The following SLC36A1 variants were observed in gnomAD, a reference collection of about 807,000 sequenced individuals.
SLC36A1 encodes proton-coupled amino acid transporter 1.
SLC36A1 carries 30 observed loss-of-function variants against 47.5 expected under a neutral mutation model. The observed-to-expected ratio is 0.63, with a 90% CI of 0.47 to 0.86. The LOEUF is 0.86. Among genes scored for constraint, SLC36A1 ranks in the 40% least tolerant of loss-of-function variants. SLC36A1 has a pLI of 0.00. For missense variants in SLC36A1, 517 were observed against 606.0 expected (o/e 0.85, Z 1.54); for synonymous variants, 255 against 249.7 (o/e 1.02, Z -0.20).
At chr5:151,522,430 C>G in the SLC36A1 span, among the ~76,000 whole-genome samples, 19 of 152,184 alleles carry the variant, frequency 1.2e-4, no homozygotes, top group African/African-American at 4.3e-4. Context: ...CATTCTGTCC[C>G]TGTCCTCAAG....
the SLC36A1 span, among the ~76,000 whole-genome samples, chr5:151,352,021 A>G: frequency 6.6e-6 from 1 of 152,210 alleles, no homozygotes; most frequent in Admixed American, 6.5e-5. Flanking sequence ...TGCTCCAGTC[A>G]CATGGACCTT....
At chr5:151,407,026 GC>G in the SLC36A1 span, among the ~76,000 whole-genome samples, 1 of 152,104 alleles carries the variant, frequency 6.6e-6, no homozygotes, top group Non-Finnish European at 1.5e-5. Context: ...CTTAAAGGTG[GC>G]GCGTCCAGAG....
the SLC36A1 span, chr5:151,512,434 G>A: frequency 6.2e-7 from 1 of 1,614,248 alleles, no homozygotes; most frequent in Admixed American, 1.7e-5. The surrounding 1 kb of genome is among the most constrained non-coding windows in gnomAD (Gnocchi z 4.1). Context: ...GCAGTTCTCT[G>A]GGACCACAAG....
the SLC36A1 span, among the ~76,000 whole-genome samples, chr5:151,369,331 A>G: frequency 1.2e-4 from 19 of 152,258 alleles, no homozygotes; most frequent in Admixed American, 8.5e-4. Context: ...AATCAACTCA[A>G]TTGGGCTACT....
chr5:151,408,161 A>T, the SLC36A1 span, among the ~76,000 whole-genome samples: 1 of 152,106 alleles, frequency 6.6e-6, no homozygotes, highest in East Asian at 1.9e-4. Flanking sequence ...TTTTCTCATC[A>T]AGTCAGTGTT....
intron 1 of SLC36A1, among the ~76,000 whole-genome samples, chr5:151,456,694 T>C (rs941391646): frequency 6.6e-6 from 1 of 152,232 alleles, no homozygotes; most frequent in Non-Finnish European, 1.5e-5. Flanking sequence ...CAGGATCGTC[T>C]CTGGGATTTC....
the SLC36A1 span, among the ~76,000 whole-genome samples, chr5:151,526,323 A>C: frequency 6.6e-6 from 1 of 152,236 alleles, no homozygotes; most frequent in Non-Finnish European, 1.5e-5. Flanking sequence ...GGATTACATA[A>C]GGGAATGTTG....
At position 151,449,689 on chromosome 5, in the gene SLC36A1, G is replaced by T. The variant is rs77003901; in HGVS notation, c.-6+1876G>T. Among the ~76,000 whole-genome samples, 1,646 of 152,326 alleles carry T rather than the reference G, an allele frequency of 0.011. 66 individuals carry two copies. In the East Asian group the frequency reaches 0.14, roughly 13 times the overall value. On this transcript the variant is annotated intron_variant, in intron 1 of 10. Coordinates refer to ENST00000243389, the MANE Select transcript of SLC36A1 (RefSeq NM_078483.4). ...AAAGTGCCATAAGGGAAGGGTGTTTGGTAAGTGTTAAAAACTTTCAAAGAA... is the reference window on the plus strand; with the variant it reads ...AAAGTGCCATAAGGGAAGGGTGTTTTGTAAGTGTTAAAAACTTTCAAAGAA...
chr5:151,507,674 C>G, the SLC36A1 span: 1 of 1,441,998 alleles, frequency 6.9e-7, no homozygotes, highest in Non-Finnish European at 9.3e-7. Flanking sequence ...TCCCCTCTTA[C>G]AGAGATCTAT....
intron 1 of SLC36A1, among the ~76,000 whole-genome samples, chr5:151,449,498 GCT>G (rs763280090): frequency 6.6e-6 from 1 of 152,190 alleles, no homozygotes; most frequent in Non-Finnish European, 1.5e-5. Context: ...ATATTCGCCT[GCT>G]CTGGAGTCCT....
the SLC36A1 span, chr5:151,545,583 A>G: frequency 0.81 from 1,313,434 of 1,613,934 alleles, 536,640 homozygotes; most frequent in African/African-American, 0.96. Context: ...CAAATAATAC[A>G]GGGCTTCCTT....
At chr5:151,550,805 C>T in the SLC36A1 span, 1 of 1,613,906 alleles carries the variant, frequency 6.2e-7, no homozygotes, top group Admixed American at 1.7e-5. Context: ...GGAACTCTGA[C>T]TTCATAACGA....
chr5:151,528,051 G>T, the SLC36A1 span: 1 of 1,614,228 alleles, frequency 6.2e-7, no homozygotes, highest in Non-Finnish European at 8.5e-7. Flanking sequence ...GGGGTGAATG[G>T]TGAAGTGCCC....
the SLC36A1 span, among the ~76,000 whole-genome samples, chr5:151,501,577 G>A: frequency 1.4e-5 from 2 of 147,988 alleles, no homozygotes; most frequent in Non-Finnish European, 2.9e-5. Context: ...CCACACACCC[G>A]GCCTGGTATT....
At chr5:151,400,570 A>G in the SLC36A1 span, among the ~76,000 whole-genome samples, 1 of 152,136 alleles carries the variant, frequency 6.6e-6, no homozygotes, top group Admixed American at 6.5e-5. Context: ...TATTTTTTTG[A>G]GAAATTTACA....
chr5:151,551,848 A>G, the SLC36A1 span, among the ~76,000 whole-genome samples: 1 of 152,322 alleles, frequency 6.6e-6, no homozygotes, highest in East Asian at 1.9e-4. Flanking sequence ...ATAAACTATA[A>G]GAATCCAAAT....
At chr5:151,544,149 C>G in the SLC36A1 span, 1 of 1,614,194 alleles carries the variant, frequency 6.2e-7, no homozygotes, top group Non-Finnish European at 8.5e-7. Flanking sequence ...CCCCTGTGCT[C>G]CCATTGATCT....
chr5:151,473,208 AGATAGATAGATAGAT>A (rs1470317122), intron 7 of SLC36A1, among the ~76,000 whole-genome samples: 8 of 151,458 alleles, frequency 5.3e-5, no homozygotes, highest in South Asian at 4.2e-4. Flanking sequence ...ATAGATAGAT[AGATAGATAGATAGAT>A]AGAATATATA....
the SLC36A1 span, among the ~76,000 whole-genome samples, chr5:151,420,858 TTCTTTCTTTC>T: frequency 4.7e-4 from 70 of 149,426 alleles, no homozygotes; most frequent in Admixed American, 2.2e-3. Flanking sequence ...AGTTTTTCCT[TTCTTTCTTTC>T]TCTTTCTTTC....
Sources: gnomAD v4.1 joint callset for allele counts (sites outside exome capture counted in the v4.1 genomes callset) on GRCh38, gnomAD v4.1.1 for gene constraint, Gnocchi (gnomAD v3.1) non-coding constraint, MANE v1.5 for transcripts, NCBI Gene and HGNC (gene_info 2026-07-23, HGNC 2026-07-21) for gene names.